CDH4: variants seen among roughly 807,000 people sequenced by gnomAD.
CDH4 encodes the protein cadherin-4.
CDH4 carries 33 observed loss-of-function variants against 86.0 expected under a neutral mutation model. The ratio of observed to expected loss-of-function variants is 0.38; its 90% CI spans 0.29 to 0.51. The LOEUF is 0.51. Ranked by LOEUF, CDH4 falls within the 20% of genes least tolerant of loss-of-function variation. The pLI is 0.86. For synonymous variants in CDH4, 555 were observed against 549.4 expected, an observed-to-expected ratio of 1.01 and a Z score of -0.14; for missense variants, 1,114 against 1,307.4, an observed-to-expected ratio of 0.85 and a Z score of 2.28.
At chr20:61,631,506 G>T (rs1045715672) in intron 2 of CDH4, among the ~76,000 whole-genome samples, 6 of 152,214 alleles carry the variant, frequency 3.9e-5, no homozygotes, top group African/African-American at 1.4e-4. Flanking sequence ...TAGGCTGGGT[G>T]TAGTGGCATG....
rs78527846 is a variant in CDH4 at position 61,329,675 on chromosome 20, T to TAA, written c.169+74747_169+74748dup. On this transcript the variant is annotated intron_variant, in intron 2 of 15. Transcript: ENST00000614565. ...TTCCGCAGACCCTGGATTGTCACTT[T>TAA]AAAAAAAAAATTAATTTAATGTAAT... 5.9e-5 allele frequency among the ~76,000 whole-genome samples: 9 copies of TAA among 151,472 alleles called. No individual in the cohort carries two copies. The South Asian group carries it at 8.4e-4, about 14-fold the overall frequency.
intron 2 of CDH4, among the ~76,000 whole-genome samples, chr20:61,414,541 G>T (rs988950857): frequency 2.0e-5 from 3 of 152,168 alleles, no homozygotes; most frequent in African/African-American, 7.2e-5. Context: ...CTGACTCCTG[G>T]CATTATCACA....
chr20:61,844,989 G>A (rs1175591220), intron 5 of CDH4, among the ~76,000 whole-genome samples, 166 bp downstream of exon 5: 1 of 152,242 alleles, frequency 6.6e-6, no homozygotes, highest in Non-Finnish European at 1.5e-5. Context: ...AGCCCAGGTC[G>A]CTGGGCACTG....
chr20:61,860,010 A>C (rs1983243094), intron 6 of CDH4, among the ~76,000 whole-genome samples: 5 of 152,258 alleles, frequency 3.3e-5, no homozygotes, highest in Admixed American at 3.3e-4. Flanking sequence ...CCACTGCTTC[A>C]CACATCTTCA....
intron 2 of CDH4, among the ~76,000 whole-genome samples, chr20:61,741,533 G>C (rs531055931): frequency 1.3e-5 from 2 of 150,878 alleles, no homozygotes; most frequent in African/African-American, 4.9e-5. Flanking sequence ...GCTCTGTTGC[G>C]CAGGCTGGAG....
intron 2 of CDH4, among the ~76,000 whole-genome samples, chr20:61,503,816 C>A (rs1388170651): frequency 6.6e-6 from 1 of 152,192 alleles, no homozygotes; most frequent in Non-Finnish European, 1.5e-5. Flanking sequence ...CATGTCAAGC[C>A]TGTGGGTACA....
chr20:61,460,176 C>G (rs141301608), intron 2 of CDH4, among the ~76,000 whole-genome samples: 4 of 152,286 alleles, frequency 2.6e-5, no homozygotes, highest in African/African-American at 9.6e-5. Context: ...GCGCTTTGCC[C>G]TCGGCTAGCA....
chr20:61,648,969 G>T (rs1367437158), intron 2 of CDH4, among the ~76,000 whole-genome samples: 1 of 152,200 alleles, frequency 6.6e-6, no homozygotes, highest in Non-Finnish European at 1.5e-5. Context: ...CATCTGGTCA[G>T]CCCTGCTGCA....
At chr20:61,631,808 G>A in intron 2 of CDH4, among the ~76,000 whole-genome samples, 1 of 152,234 alleles carries the variant, frequency 6.6e-6, no homozygotes, top group Non-Finnish European at 1.5e-5. Context: ...GGCTGAAGGT[G>A]TGGACAGCAG....
At chr20:61,666,277 G>A (rs980983500) in intron 2 of CDH4, among the ~76,000 whole-genome samples, 10 of 152,170 alleles carry the variant, frequency 6.6e-5, no homozygotes, top group Admixed American at 4.6e-4. Flanking sequence ...TGAGAGCCAC[G>A]GTGCCTGGAG....
Position 61,684,996 on chromosome 20 carries a change from G to A in CDH4, c.170-58567G>A, listed in dbSNP as rs905657486. 6.6e-6 allele frequency among the ~76,000 whole-genome samples: 1 copy of A among 152,178 alleles called. No individual in the cohort carries two copies. Among genetic ancestry groups the A allele is most frequent in the Non-Finnish European group, 1.5e-5 (1 of 68,038 alleles). Reference sequence around the variant, plus strand: ...ATGTATAGTGTAGAGTTGAGTATATGTTACAGAGAGCAACTGTTGCTGTCA... The same window carrying A: ...ATGTATAGTGTAGAGTTGAGTATATATTACAGAGAGCAACTGTTGCTGTCA... On this transcript the variant is annotated intron_variant, in intron 2 of 15. Transcript: ENST00000614565. This position sits in a 1 kb window ranked among gnomAD's most constrained non-coding sequence, Gnocchi z 4.5.
intron 2 of CDH4, among the ~76,000 whole-genome samples, chr20:61,422,341 T>C (rs1231000669): frequency 6.9e-6 from 1 of 145,806 alleles, no homozygotes; most frequent in African/African-American, 2.6e-5. Flanking sequence ...GGAGAATCGC[T>C]TGAACCCGGG....
chr20:61,256,874 TAG>T (rs1319993731), intron 2 of CDH4, among the ~76,000 whole-genome samples: 2 of 152,214 alleles, frequency 1.3e-5, no homozygotes, highest in Non-Finnish European at 2.9e-5. Context: ...TCTGAAGGTG[TAG>T]AGTCTCAGGA....
At chr20:61,845,494 A>G (rs1232639780) in intron 5 of CDH4, among the ~76,000 whole-genome samples, 3 of 152,158 alleles carry the variant, frequency 2.0e-5, no homozygotes, top group Admixed American at 6.5e-5. Flanking sequence ...AGCAGTGGGG[A>G]GTGCACATCC....
chr20:61,788,523 G>A (rs1291410427), intron 4 of CDH4, among the ~76,000 whole-genome samples: 1 of 152,208 alleles, frequency 6.6e-6, no homozygotes, highest in Non-Finnish European at 1.5e-5. Flanking sequence ...AGGCCCCCAA[G>A]TGCTGACAGC....
intron 4 of CDH4, among the ~76,000 whole-genome samples, chr20:61,823,281 T>TGC: frequency 2.0e-5 from 3 of 151,056 alleles, no homozygotes; most frequent in East Asian, 2.0e-4. Flanking sequence ...GATGATGGTG[T>TGC]TGATGGTAAT....
At chr20:61,656,628 C>T (rs1406508306) in intron 2 of CDH4, among the ~76,000 whole-genome samples, 1 of 152,176 alleles carries the variant, frequency 6.6e-6, no homozygotes, top group African/African-American at 2.4e-5. Flanking sequence ...CTGGGCTCCA[C>T]AGCCACTCTC....
intron 4 of CDH4, among the ~76,000 whole-genome samples, chr20:61,821,420 T>A (rs1165703788): frequency 7.7e-5 from 1 of 13,050 alleles, no homozygotes; most frequent in Non-Finnish European, 1.7e-4. Context: ...TCCAGTCCCC[T>A]CTCACTCCCT....
chr20:61,391,885 G>T (rs2084988007), intron 2 of CDH4, among the ~76,000 whole-genome samples: 1 of 152,126 alleles, frequency 6.6e-6, no homozygotes, highest in African/African-American at 2.4e-5. Context: ...AGCAGCTCCG[G>T]GGCCTGCAGG....
Sources: allele counts gnomAD v4.1 joint callset (sites outside exome capture counted in the v4.1 genomes callset), GRCh38; gene constraint gnomAD v4.1.1; non-coding constraint Gnocchi (gnomAD v3.1); transcripts MANE v1.5; gene names NCBI Gene and HGNC (gene_info 2026-07-23, HGNC 2026-07-21).